CHST15: variants seen among roughly 807,000 people sequenced by gnomAD.
CHST15 encodes B cell RAG associated protein (GALNAC4S-6ST).
In CHST15, 30 loss-of-function variants were observed where a neutral mutation model predicts 53.6. The observed-to-expected ratio is 0.56, with a 90% CI of 0.42 to 0.76. The LOEUF is 0.76. Ranked by LOEUF, CHST15 falls within the 30% of genes least tolerant of loss-of-function variation. The pLI is 0.00. For missense variants in CHST15, 627 were observed against 740.5 expected (o/e 0.85, Z 1.78); for synonymous variants, 296 against 289.8 (o/e 1.02, Z -0.22).
At chr10:124,080,461 C>T (rs562263507) in intron 1 of CHST15, among the ~76,000 whole-genome samples, 14 of 152,202 alleles carry the variant, frequency 9.2e-5, no homozygotes, top group Non-Finnish European at 1.6e-4. Flanking sequence ...CTGATATTTG[C>T]GACCTTGTCT....
chr10:124,088,973 T>C (rs1949524184), intron 1 of CHST15, among the ~76,000 whole-genome samples: 1 of 152,202 alleles, frequency 6.6e-6, no homozygotes, highest in Admixed American at 6.5e-5. Flanking sequence ...GTGCTTTATT[T>C]GAAAGGAGAA....
In CHST15 at chr10:124,019,732, C is replaced by T. The variant is rs984667780; in HGVS notation, c.1347+1524G>A. 1.0e-6 allele frequency: 1 copy of T among 967,920 alleles called. No individual in the cohort carries two copies. 60.0% of individuals were successfully genotyped at this position (967,920 alleles called of 1,614,324 possible). On this transcript the variant is annotated intron_variant, in intron 6 of 7. Coordinates refer to ENST00000435907, the MANE Select transcript of CHST15 (RefSeq NM_001270764.2). The surrounding 1 kb of genome is among the most constrained non-coding windows in gnomAD (Gnocchi z 4.6). ...GAGATATTCCTTTTCCACTCCTACACTATCTTCTGCTTAAAACCCTCTGAG... is the reference window on the plus strand; with the variant it reads ...GAGATATTCCTTTTCCACTCCTACATTATCTTCTGCTTAAAACCCTCTGAG...
chr10:124,033,997 C>T (rs986802577), intron 5 of CHST15, among the ~76,000 whole-genome samples: 10 of 152,242 alleles, frequency 6.6e-5, no homozygotes, highest in African/African-American at 2.2e-4. Context: ...CGTCCTAACA[C>T]ACGCTGCTGC....
chr10:124,026,114 A>G (rs1946996030), intron 5 of CHST15, among the ~76,000 whole-genome samples: 1 of 152,120 alleles, frequency 6.6e-6, no homozygotes, highest in African/African-American at 2.4e-5. Flanking sequence ...CCACCCTGAG[A>G]CCCTGGAACA....
At chr10:124,027,629 C>CT (rs201422168) in intron 5 of CHST15, among the ~76,000 whole-genome samples, 163 of 152,268 alleles carry the variant, frequency 1.1e-3, no homozygotes, top group East Asian at 5.8e-3. Flanking sequence ...GATGTGGATG[C>CT]TGGGGGGTAG....
intron 7 of CHST15, chr10:124,010,732 T>G (rs369466409): frequency 2.0e-6 from 2 of 985,480 alleles, no homozygotes; most frequent in Non-Finnish European, 2.4e-6. Context: ...TCGGTTTTCC[T>G]GCTCAGCAGC....
At chr10:124,057,438 C>T (rs1325279999) in intron 1 of CHST15, among the ~76,000 whole-genome samples, 2 of 152,164 alleles carry the variant, frequency 1.3e-5, no homozygotes, top group Non-Finnish European at 2.9e-5. Context: ...CTACTATGTG[C>T]AGGGCTTGCA....
chr10:124,082,925 T>A (rs951310449), intron 1 of CHST15, among the ~76,000 whole-genome samples: 1 of 152,112 alleles, frequency 6.6e-6, no homozygotes, highest in African/African-American at 2.4e-5. Context: ...GAAGGGTACA[T>A]GTAGGGGAAT....
In CHST15 at chr10:124,009,564, A is replaced by G; in HGVS notation, c.*585T>C. The stretch of plus-strand genomic sequence containing the variant: ...GAGAAAAAAAAAATGAAGAGCCTCC[A>G]TTCTCGAAAGACTGCGGTTCTCTGT... On this transcript the variant is annotated 3_prime_UTR_variant, in exon 8 of 8. Transcript: ENST00000435907. 4.0e-6 allele frequency: 4 copies of G among 989,046 alleles called. No individual in the cohort carries two copies. The highest frequency in any genetic ancestry group is 4.8e-6 in the Non-Finnish European group (4 of 831,974). The allele number at this position is 989,046 out of a possible 1,614,324, so 61.3% of individuals were successfully genotyped here.
intron 1 of CHST15, among the ~76,000 whole-genome samples, chr10:124,078,231 C>T (rs988138222): frequency 3.9e-5 from 6 of 152,138 alleles, no homozygotes; most frequent in Non-Finnish European, 7.3e-5. Flanking sequence ...GGAGGGAGCC[C>T]GGCAAGGTTA....
At chr10:124,050,416 C>T (rs1948151093) in intron 1 of CHST15, among the ~76,000 whole-genome samples, 1 of 152,216 alleles carries the variant, frequency 6.6e-6, no homozygotes, top group African/African-American at 2.4e-5. Context: ...AGCAATACAA[C>T]CATTGGAACA....
At chr10:124,057,491 G>T (rs967629871) in intron 1 of CHST15, among the ~76,000 whole-genome samples, 1 of 152,150 alleles carries the variant, frequency 6.6e-6, no homozygotes, top group Non-Finnish European at 1.5e-5. Context: ...GTGTCCAGTC[G>T]TACAGGCCTG....
chr10:124,050,851 T>C (rs1318229726), intron 1 of CHST15, among the ~76,000 whole-genome samples: 1 of 151,920 alleles, frequency 6.6e-6, no homozygotes, highest in Non-Finnish European at 1.5e-5. Flanking sequence ...GGAAACCTGA[T>C]GGGAGAGGAG....
chr10:124,092,112 C>A (rs562901161), intron 1 of CHST15, among the ~76,000 whole-genome samples: 14 of 152,348 alleles, frequency 9.2e-5, no homozygotes, highest in African/African-American at 3.4e-4. Flanking sequence ...CCCTTCGCCC[C>A]GGCGCCTCTA....
rs77737059 is a variant in CHST15 at position 124,091,068 on chromosome 10, C to T, written c.-513+2401G>A. On this transcript the variant is annotated intron_variant, in intron 1 of 7. Transcript: ENST00000435907. ...GGAAGGCCATAACAAGCCACTTTAC[C>T]TCACCAGCTCTGTGTGCCCATCTAG... Among the ~76,000 whole-genome samples, 823 of 152,350 alleles carry T rather than the reference C, an allele frequency of 5.4e-3. 6 individuals are homozygous for T. Among genetic ancestry groups the T allele is most frequent in the African/African-American group, 0.019 (780 of 41,564 alleles).
At position 124,007,777 on chromosome 10, in the gene CHST15, A is replaced by C; in HGVS notation, c.*2372T>G. The C allele has an allele frequency of 8.1e-7, 1 of 1,231,594 alleles. No homozygotes were observed. Among genetic ancestry groups the C allele is most frequent in the Non-Finnish European group, 1.0e-6 (1 of 987,886 alleles). 76.3% of individuals were successfully genotyped at this position (1,231,594 alleles called of 1,614,324 possible). ...AGCGTAACTGCGATTCACTTAACAT[A>C]CCTTACAGGACTAAGGGAGTACAAT... On this transcript the variant is annotated 3_prime_UTR_variant, in exon 8 of 8. Transcript: ENST00000435907.
chr10:124,058,610 C>T (rs985393874), intron 1 of CHST15, among the ~76,000 whole-genome samples: 4 of 152,202 alleles, frequency 2.6e-5, no homozygotes, highest in Non-Finnish European at 2.9e-5. Context: ...CAGTGGAGCA[C>T]GGTCAGCCAT....
Position 124,046,350 on chromosome 10 carries a change from A to C in CHST15, c.-138T>G. The C allele has an allele frequency of 1.3e-6, 1 of 771,220 alleles. No homozygotes were observed. The highest frequency in any genetic ancestry group is 2.0e-6 in the Non-Finnish European group (1 of 493,492). The allele number at this position is 771,220 out of a possible 1,614,324, so 47.8% of individuals were successfully genotyped here. On this transcript the variant is annotated 5_prime_UTR_variant, in exon 2 of 8. Coordinates refer to ENST00000435907, the MANE Select transcript of CHST15 (RefSeq NM_001270764.2). Reference sequence around the variant, plus strand: ...AAGATGGATGGAAAGCACAAATACAAAAATAAGCAGACACCACAGCACTAG... The same window carrying C: ...AAGATGGATGGAAAGCACAAATACACAAATAAGCAGACACCACAGCACTAG...
At chr10:124,048,414 G>A (rs1448233990) in intron 1 of CHST15, among the ~76,000 whole-genome samples, 1 of 152,200 alleles carries the variant, frequency 6.6e-6, no homozygotes, top group East Asian at 1.9e-4. Context: ...AGGCGCTGGG[G>A]CGGGGATGCA....
Sources: gnomAD v4.1 joint callset for allele counts (sites outside exome capture counted in the v4.1 genomes callset) on GRCh38, gnomAD v4.1.1 for gene constraint, Gnocchi (gnomAD v3.1) non-coding constraint, MANE v1.5 for transcripts, NCBI Gene and HGNC (gene_info 2026-07-23, HGNC 2026-07-21) for gene names.